NALF1: variants seen among roughly 807,000 people sequenced by gnomAD.
NALF1 encodes the protein NALCN channel auxiliary factor 1, also known as family with sequence similarity 155 member A.
Under a neutral mutation model 48.4 loss-of-function variants are expected in NALF1, and 3 were observed. The ratio of observed to expected loss-of-function variants is 0.06; its 90% CI spans 0.03 to 0.16. The LOEUF (loss-of-function observed/expected upper bound fraction) is 0.16, where lower values mean the gene tolerates loss of function less well. NALF1 is among the 10% of genes least tolerant of loss of function. NALF1 has a pLI of 1.00. For synonymous variants in NALF1, 262 were observed against 245.7 expected, an observed-to-expected ratio of 1.07 and a Z score of -0.62; for missense variants, 526 against 571.5, an observed-to-expected ratio of 0.92 and a Z score of 0.81.
intron 1 of NALF1, among the ~76,000 whole-genome samples, chr13:107,346,054 A>G (rs1882765891): frequency 6.6e-6 from 1 of 152,170 alleles, no homozygotes; most frequent in South Asian, 2.1e-4. Flanking sequence ...CAAAACCACA[A>G]TGAGCTATCA....
At chr13:107,810,226 T>C (rs1594283621) in intron 1 of NALF1, among the ~76,000 whole-genome samples, 1 of 152,258 alleles carries the variant, frequency 6.6e-6, no homozygotes, top group East Asian at 1.9e-4. Flanking sequence ...ACTCTACATA[T>C]GACTCAATAT....
At chr13:107,274,968 T>C (rs1412773806) in intron 1 of NALF1, among the ~76,000 whole-genome samples, 9 of 152,062 alleles carry the variant, frequency 5.9e-5, no homozygotes, top group Admixed American at 5.9e-4. Flanking sequence ...TAGATAAGAA[T>C]GGAGAGAAAA....
chr13:107,534,763 C>A (rs1330928531), intron 1 of NALF1, among the ~76,000 whole-genome samples: 2 of 152,124 alleles, frequency 1.3e-5, no homozygotes, highest in Non-Finnish European at 2.9e-5. Flanking sequence ...AAGCAGGAGA[C>A]CCCTGAACTA....
intron 1 of NALF1, among the ~76,000 whole-genome samples, chr13:107,441,380 C>A (rs1049504587): frequency 2.1e-4 from 32 of 152,030 alleles, no homozygotes; most frequent in African/African-American, 7.7e-4. Flanking sequence ...ACGTGAGGAT[C>A]ATTACAGTAT....
chr13:107,588,383 T>G (rs2138415661), intron 1 of NALF1, among the ~76,000 whole-genome samples: 1 of 152,178 alleles, frequency 6.6e-6, no homozygotes, highest in South Asian at 2.1e-4. Flanking sequence ...CTGTGACAAC[T>G]TGGATATCTA....
intron 1 of NALF1, among the ~76,000 whole-genome samples, chr13:107,677,332 G>A (rs9520548): frequency 0.5 from 76,776 of 152,122 alleles, 20,279 homozygotes; most frequent in Middle Eastern, 0.64. Context: ...ATGAGCCACC[G>A]TGCCCAGCCA....
At chr13:107,607,191 A>C (rs1164303172) in intron 1 of NALF1, among the ~76,000 whole-genome samples, 1 of 152,222 alleles carries the variant, frequency 6.6e-6, no homozygotes, top group Non-Finnish European at 1.5e-5. Flanking sequence ...TCGAAGACAA[A>C]AATCCTATTG....
At chr13:107,382,181 G>T (rs1883452360) in intron 1 of NALF1, among the ~76,000 whole-genome samples, 1 of 152,156 alleles carries the variant, frequency 6.6e-6, no homozygotes, top group Non-Finnish European at 1.5e-5. Context: ...GCACACAAGT[G>T]TGAATCCACT....
chr13:107,517,714 G>T (rs968768370), intron 1 of NALF1, among the ~76,000 whole-genome samples: 2 of 151,994 alleles, frequency 1.3e-5, no homozygotes, highest in Non-Finnish European at 2.9e-5. Flanking sequence ...CAGCACTTTG[G>T]GAGTCTGAGG....
chr13:107,539,711 G>C (rs969435812), intron 1 of NALF1, among the ~76,000 whole-genome samples: 2 of 152,024 alleles, frequency 1.3e-5, no homozygotes, highest in Non-Finnish European at 2.9e-5. Flanking sequence ...ACATTATTTG[G>C]ATATTTACTG....
chr13:107,566,328 AAT>A (rs1310186176), intron 1 of NALF1, among the ~76,000 whole-genome samples: 4 of 152,204 alleles, frequency 2.6e-5, no homozygotes, highest in Non-Finnish European at 5.9e-5. Flanking sequence ...TATAAACATA[AAT>A]AGCTACCATA....
At chr13:107,665,669 G>A (rs1387743344) in intron 1 of NALF1, among the ~76,000 whole-genome samples, 5 of 151,818 alleles carry the variant, frequency 3.3e-5, no homozygotes, top group Non-Finnish European at 5.9e-5. Flanking sequence ...ATCTCATCTT[G>A]ACATGTTTGT....
intron 1 of NALF1, among the ~76,000 whole-genome samples, chr13:107,697,879 A>T (rs1304864413): frequency 1.3e-5 from 2 of 152,126 alleles, no homozygotes; most frequent in African/African-American, 4.8e-5. Flanking sequence ...CATAGTGGCA[A>T]ATTTAAAATC....
Position 107,354,493 on chromosome 13 carries a change from A to G in NALF1, c.916-143738T>C, listed in dbSNP as rs549118948. On this transcript the variant is annotated intron_variant, in intron 1 of 2. Coordinates refer to ENST00000375915, the MANE Select transcript of NALF1 (RefSeq NM_001080396.3). ...GTGCTACATGCTTTTAAACAACCAGATCTCATGAGAACTCACACTCATGAG... is the reference window on the plus strand; with the variant it reads ...GTGCTACATGCTTTTAAACAACCAGGTCTCATGAGAACTCACACTCATGAG... 1.7e-3 allele frequency among the ~76,000 whole-genome samples: 257 copies of G among 152,198 alleles called. 1 individual carries two copies. Among genetic ancestry groups the G allele is most frequent in the African/African-American group, 6.0e-3 (249 of 41,530 alleles).
intron 1 of NALF1, among the ~76,000 whole-genome samples, chr13:107,268,049 C>G (rs574909335): frequency 1.4e-5 from 2 of 139,692 alleles, no homozygotes. Context: ...AGTAGTGGCG[C>G]GATCTCGGCT....
At chr13:107,695,974 G>A (rs754197154) in intron 1 of NALF1, among the ~76,000 whole-genome samples, 7 of 150,120 alleles carry the variant, frequency 4.7e-5, no homozygotes, top group Non-Finnish European at 8.8e-5. Flanking sequence ...TTAGCTCACT[G>A]CAACCTCTGC....
intron 1 of NALF1, among the ~76,000 whole-genome samples, chr13:107,646,970 C>G (rs1250744532): frequency 6.6e-6 from 1 of 151,948 alleles, no homozygotes; most frequent in Non-Finnish European, 1.5e-5. Context: ...ACCTGTTGAC[C>G]AAGCAAGTCT....
At chr13:107,451,190 C>T (rs530562551) in intron 1 of NALF1, among the ~76,000 whole-genome samples, 32 of 152,118 alleles carry the variant, frequency 2.1e-4, no homozygotes, top group African/African-American at 6.7e-4. Flanking sequence ...CGGCCACAAG[C>T]GGAAATGTTT....
chr13:107,382,585 T>C (rs1313548204), intron 1 of NALF1, among the ~76,000 whole-genome samples: 1 of 152,208 alleles, frequency 6.6e-6, no homozygotes, highest in African/African-American at 2.4e-5. Flanking sequence ...TCCTTACTTT[T>C]CCCCTTAATG....
Sources: allele counts gnomAD v4.1 joint callset (sites outside exome capture counted in the v4.1 genomes callset), GRCh38; gene constraint gnomAD v4.1.1; transcripts MANE v1.5; gene names NCBI Gene and HGNC (gene_info 2026-07-23, HGNC 2026-07-21).